The following EML1 variants were observed in gnomAD, a reference collection of about 807,000 sequenced individuals.
EML1 encodes the protein echinoderm microtubule-associated protein-like 1.
In EML1, 27 loss-of-function variants were observed where a neutral mutation model predicts 110.4. The ratio of observed to expected loss-of-function variants is 0.24; its 90% confidence interval spans 0.18 to 0.34. The LOEUF (loss-of-function observed/expected upper bound fraction) is 0.34. EML1 is among the 10% of genes least tolerant of loss of function. The probability of loss-of-function intolerance (pLI) is 1.00; values close to 1 mark genes in which losing one functional copy is unlikely to be tolerated. For synonymous variants in EML1, 344 were observed against 385.8 expected, an observed-to-expected ratio of 0.89 and a Z score of 1.27; for missense variants, 741 against 1,030.9, an observed-to-expected ratio of 0.72 and a Z score of 3.85.
intron 1 of EML1, among the ~76,000 whole-genome samples, chr14:99,782,830 T>C (rs953343319): frequency 7.9e-5 from 12 of 152,194 alleles, no homozygotes; most frequent in Non-Finnish European, 1.6e-4. Flanking sequence ...AGACTTTTCC[T>C]GGACTTTCCT....
At chr14:99,838,930 T>TGTATGTGTGTGTGTGTGC (rs35886892) in intron 1 of EML1, 5 of 148,488 alleles carry the variant, frequency 3.4e-5, no homozygotes, top group Non-Finnish European at 7.4e-5. Flanking sequence ...TGTGTGTGTG[T>TGTATGTGTGTGTGTGTGC]GCGCGCGCGC....
At chr14:99,850,373 C>T in intron 1 of EML1, 1 of 1,286,840 alleles carries the variant, frequency 7.8e-7, no homozygotes, top group South Asian at 1.2e-5. Context: ...GGTAGCTTGC[C>T]AAACTCATAT....
At chr14:99,748,897 G>C (rs181634997) in intron 1 of EML1, among the ~76,000 whole-genome samples, 1 of 152,262 alleles carries the variant, frequency 6.6e-6, no homozygotes, top group Admixed American at 6.5e-5. Flanking sequence ...TTTTTCATAT[G>C]AGTGGAATCC....
At chr14:99,911,634 T>C in intron 13 of EML1, 58 bp downstream of exon 13, 1 of 1,556,426 alleles carries the variant, frequency 6.4e-7, no homozygotes, top group South Asian at 1.2e-5. Flanking sequence ...TTATCCTTTT[T>C]TTATTAGTTT....
At chr14:99,796,271 G>T (rs1375263330) in intron 1 of EML1, among the ~76,000 whole-genome samples, 2 of 150,104 alleles carry the variant, frequency 1.3e-5, no homozygotes, top group Non-Finnish European at 3.0e-5. Flanking sequence ...AGAAAAGTTT[G>T]TTCTAATGAA....
intron 1 of EML1, among the ~76,000 whole-genome samples, chr14:99,779,398 T>A (rs60308971): frequency 0.13 from 19,585 of 152,272 alleles, 1,499 homozygotes; most frequent in East Asian, 0.37. Context: ...AGGATATAAA[T>A]AATAGTTTTA....
At chr14:99,901,657 C>T (rs2059765496) in intron 9 of EML1, among the ~76,000 whole-genome samples, 1 of 152,192 alleles carries the variant, frequency 6.6e-6, no homozygotes, top group South Asian at 2.1e-4. Flanking sequence ...GCTGCCATGG[C>T]ATTTGTAAAC....
chr14:99,802,229 G>A (rs2057894489), intron 1 of EML1, among the ~76,000 whole-genome samples: 2 of 152,166 alleles, frequency 1.3e-5, no homozygotes, highest in South Asian at 4.1e-4. Flanking sequence ...GTGGTGAAAG[G>A]GAAAGGAGTA....
At chr14:99,752,187 A>G (rs1052787623) in intron 1 of EML1, among the ~76,000 whole-genome samples, 3 of 152,150 alleles carry the variant, frequency 2.0e-5, no homozygotes, top group African/African-American at 7.2e-5. Flanking sequence ...GCCTCGAGAC[A>G]GCACCAGCAG....
At chr14:99,821,375 C>T (rs533163511) in intron 1 of EML1, among the ~76,000 whole-genome samples, 15 of 152,236 alleles carry the variant, frequency 9.9e-5, no homozygotes, top group African/African-American at 3.1e-4. Context: ...CTCTCCAAGC[C>T]GGGCAAAGTG....
upstream of EML1, among the ~76,000 whole-genome samples, chr14:99,792,463 G>A (rs903414671): frequency 1.8e-4 from 27 of 151,656 alleles, no homozygotes; most frequent in Admixed American, 9.2e-4. Flanking sequence ...TACTCCATGG[G>A]TATAAAATGC....
intron 1 of EML1, among the ~76,000 whole-genome samples, chr14:99,831,932 T>G (rs1477116012): frequency 6.6e-6 from 1 of 152,070 alleles, no homozygotes; most frequent in African/African-American, 2.4e-5. Flanking sequence ...CATATTTAAA[T>G]GAACAATTTG....
At position 99,894,774 on chromosome 14, in the gene EML1, T is replaced by G; in HGVS notation, c.677+16T>G. On this transcript the variant is annotated intron_variant, in intron 6 of 21. Transcript: ENST00000262233. Reference sequence around the variant, plus strand: ...TGGAATGGGTGTATCCTTTATTCATTGATTAGGTCTCACATGAAGTTATCA... The same window carrying G: ...TGGAATGGGTGTATCCTTTATTCATGGATTAGGTCTCACATGAAGTTATCA... 1.2e-6 allele frequency: 2 copies of G among 1,602,806 alleles called. No individual in the cohort carries two copies. The highest frequency in any genetic ancestry group is 1.7e-6 in the Non-Finnish European group (2 of 1,175,504).
chr14:99,935,479 AAG>A (rs912388268), intron 17 of EML1, among the ~76,000 whole-genome samples: 5 of 151,622 alleles, frequency 3.3e-5, no homozygotes, highest in African/African-American at 1.2e-4. Context: ...GAAAAAAAAA[AAG>A]AGTTCATAAA....
At position 99,911,476 on chromosome 14, in the gene EML1, C is replaced by T; in HGVS notation, c.1394C>T (p.Ala465Val). Residue 465 changes from alanine to valine, a missense_variant, in exon 13 of 22, where the codon GCA becomes GTA. Transcript: ENST00000262233. Reference sequence around the variant, plus strand: ...GGGGCCCATGAGGGTGGCATTTTTGCACTTTGTATGTTAAGAGATGGCACA... The same window carrying T: ...GGGGCCCATGAGGGTGGCATTTTTGTACTTTGTATGTTAAGAGATGGCACA... ...VQGAHEGGIFALCMLRDGTLV... is the reference protein window; with the variant it reads ...VQGAHEGGIFVLCMLRDGTLV... 7 of 1,611,998 alleles carry T rather than the reference C, an allele frequency of 4.3e-6. No homozygotes were observed. Among genetic ancestry groups the T allele is most frequent in the Non-Finnish European group, 5.9e-6 (7 of 1,179,676 alleles).
intron 1 of EML1, among the ~76,000 whole-genome samples, chr14:99,826,193 A>G (rs1595347390): frequency 7.1e-6 from 1 of 141,096 alleles, no homozygotes; most frequent in Non-Finnish European, 1.5e-5. Flanking sequence ...GCTCACTGCA[A>G]CCTCCTCCTC....
rs1348520564 is a variant in EML1, at chr14:99,911,455, C to G, written c.1373C>G (p.Ala458Gly). ...TNRISYAVQG[A>G]HEGGIFALCM... ...CGAATAAGCTATGCAGTTCAGGGGG[C>G]CCATGAGGGTGGCATTTTTGCACTT... The change falls in exon 13 of 22, where the codon GCC becomes GGC. Residue 458 changes from alanine (A) to glycine (G), a missense_variant. Ala to Gly is a moderately conservative substitution (Grantham distance 60). Around this residue, in one of 4 missense-constraint regions of EML1, gnomAD observed 388 missense variants for 605.6 expected, o/e 0.64. Coordinates refer to ENST00000262233, the MANE Select transcript of EML1 (RefSeq NM_004434.3). The G allele has an allele frequency of 1.2e-6, 2 of 1,611,026 alleles. No homozygotes were observed. The highest frequency in any genetic ancestry group is 1.7e-6 in the Non-Finnish European group (2 of 1,179,478).
intron 1 of EML1, among the ~76,000 whole-genome samples, chr14:99,826,105 ATTT>A (rs71113225): frequency 0.029 from 2,310 of 79,766 alleles, 56 homozygotes; most frequent in African/African-American, 0.11. Context: ...CTGTGCATTG[ATTT>A]TTTTTTTTTT....
At chr14:99,769,192 C>T (rs2057397514), upstream of EML1, among the ~76,000 whole-genome samples, 1 of 152,204 alleles carries the variant, frequency 6.6e-6, no homozygotes, top group Non-Finnish European at 1.5e-5. Flanking sequence ...AGCCTCTGAG[C>T]CCCACATTTG....
Sources: gnomAD v4.1 joint callset for allele counts (sites outside exome capture counted in the v4.1 genomes callset) on GRCh38, gnomAD v4.1.1 for gene constraint, gnomAD v4.1.1 regional missense constraint, MANE v1.5 for transcripts, NCBI Gene and HGNC (gene_info 2026-07-23, HGNC 2026-07-21) for gene names.